FOCAD: variants seen among roughly 807,000 people sequenced by gnomAD.
The protein encoded by FOCAD is focadhesin.
Under a neutral mutation model 225.6 loss-of-function variants are expected in FOCAD, and 198 were observed. The observed-to-expected ratio is 0.88, with a 90% CI of 0.78 to 0.99. FOCAD has a LOEUF of 0.99. Ranked by LOEUF, FOCAD falls within the 50% of genes least tolerant of loss-of-function variation. The pLI, the probability that FOCAD is intolerant of heterozygous loss-of-function variation, is 0.00. For missense variants in FOCAD, 2,713 were observed against 2,123.6 expected, an observed-to-expected ratio of 1.28 and a Z score of -5.46; for synonymous variants, 897 against 755.0, an observed-to-expected ratio of 1.19 and a Z score of -3.08.
intron 21 of FOCAD, among the ~76,000 whole-genome samples, chr9:20,891,144 A>C (rs1831578576): frequency 6.6e-6 from 1 of 152,170 alleles, no homozygotes; most frequent in South Asian, 2.1e-4. Context: ...GGTATAACAA[A>C]CTGTGCCCAC....
At chr9:20,775,625 A>T (rs1818677937) in intron 8 of FOCAD, among the ~76,000 whole-genome samples, 3 of 152,178 alleles carry the variant, frequency 2.0e-5, no homozygotes, top group African/African-American at 7.2e-5. Flanking sequence ...TCTCTTTAAA[A>T]ATACTTTTCC....
At chr9:20,853,203 A>G (rs1179369131) in intron 15 of FOCAD, among the ~76,000 whole-genome samples, 1 of 151,760 alleles carries the variant, frequency 6.6e-6, no homozygotes, top group Non-Finnish European at 1.5e-5. Flanking sequence ...CTGTTCCTGC[A>G]GAGAAATCAA....
chr9:20,939,037 C>T (rs10964760), intron 28 of FOCAD, among the ~76,000 whole-genome samples: 1 of 149,678 alleles, frequency 6.7e-6, no homozygotes. Context: ...GTAGTCCCAG[C>T]TACTCAGGAG....
chr9:20,829,306 T>C (rs1042174402), intron 15 of FOCAD, among the ~76,000 whole-genome samples: 1 of 152,134 alleles, frequency 6.6e-6, no homozygotes, highest in Non-Finnish European at 1.5e-5. Context: ...TGTTATTTCT[T>C]GACCTTTTAA....
intron 19 of FOCAD, among the ~76,000 whole-genome samples, chr9:20,879,120 T>C (rs1408878455): frequency 6.6e-6 from 1 of 152,180 alleles, no homozygotes; most frequent in African/African-American, 2.4e-5. Context: ...ACCAGGTTTC[T>C]AGGTATTCCT....
At chr9:20,932,937 G>C in intron 27 of FOCAD, 77 bp from the exon 28 acceptor site, 1 of 1,015,484 alleles carries the variant, frequency 9.8e-7, no homozygotes, top group Non-Finnish European at 1.5e-6. Flanking sequence ...AATATTGAGA[G>C]TATAATATTG....
intron 11 of FOCAD, among the ~76,000 whole-genome samples, chr9:20,798,659 T>C (rs948912134): frequency 1.6e-4 from 24 of 152,206 alleles, no homozygotes; most frequent in African/African-American, 5.8e-4. Context: ...TATTCTCTGA[T>C]GGTAGTTTGT....
chr9:20,874,506 A>G (rs938834431), intron 18 of FOCAD, 175 bp from the exon 19 acceptor site: 2 of 587,524 alleles, frequency 3.4e-6, no homozygotes, highest in Admixed American at 6.8e-5. Flanking sequence ...ATGACCATTT[A>G]GTTAATCTAA....
chr9:20,834,627 C>T (rs1434349689), intron 15 of FOCAD, among the ~76,000 whole-genome samples: 2 of 152,038 alleles, frequency 1.3e-5, no homozygotes, highest in South Asian at 2.1e-4. Flanking sequence ...CCACATACCA[C>T]GCGATTCCTT....
In FOCAD at chr9:20,864,087, C is replaced by G. The variant is rs948651511; in HGVS notation, c.2055+1375C>G. Among the ~76,000 whole-genome samples, 3 of 151,996 alleles carry G rather than the reference C, an allele frequency of 2.0e-5. No homozygotes were observed. The East Asian group carries it at 5.8e-4, about 29-fold the overall frequency. On this transcript the variant is annotated intron_variant, in intron 16 of 43. Coordinates refer to ENST00000338382, the MANE Select transcript of FOCAD (RefSeq NM_001375567.1). ...GGGGAGTCTCTTCAGTGAACATAGT[C>G]CCCTTAAAAGCAGAAGTGAAGAAAT...
chr9:20,943,249 G>T (rs1836845932), intron 28 of FOCAD, among the ~76,000 whole-genome samples: 1 of 152,220 alleles, frequency 6.6e-6, no homozygotes, highest in African/African-American at 2.4e-5. Context: ...TTACGAAGCT[G>T]TAACAGCAGT....
At position 20,986,283 on chromosome 9, in the gene FOCAD, T is replaced by TTTTTTTTTTTTTTTTTTTTTTTGA; in HGVS notation, c.4729-5_4729-4insTTTTTTTTTTTTTTTTTTTTTTGA. On this transcript the variant is annotated splice_polypyrimidine_tract_variant and splice_region_variant and intron_variant, in intron 39 of 43. Transcript: ENST00000338382. ...ACTAAACAATTTTTTTTTTTTTTTT[T>TTTTTTTTTTTTTTTTTTTTTTTGA]GCAGAGCAACATAGAAAAAGCTGCC... is the stretch of plus-strand genomic sequence containing the variant. The TTTTTTTTTTTTTTTTTTTTTTTGA allele has an allele frequency of 1.1e-5, 16 of 1,476,858 alleles. No homozygotes were observed. Among genetic ancestry groups the TTTTTTTTTTTTTTTTTTTTTTTGA allele is most frequent in the Non-Finnish European group, 1.3e-5 (15 of 1,113,526 alleles). 91.5% of individuals were successfully genotyped at this position (1,476,858 alleles called of 1,614,324 possible).
intron 23 of FOCAD, among the ~76,000 whole-genome samples, chr9:20,915,365 T>C (rs906033908): frequency 1.3e-5 from 2 of 152,078 alleles, no homozygotes. Flanking sequence ...AGACGAAAAA[T>C]TAGTTATCAG....
intron 11 of FOCAD, among the ~76,000 whole-genome samples, chr9:20,816,321 G>T (rs1485974071): frequency 6.6e-6 from 1 of 152,102 alleles, no homozygotes; most frequent in Non-Finnish European, 1.5e-5. Context: ...TCTAGAAGGG[G>T]ATAATGCGTT....
chr9:20,890,345 C>T (rs1007107424), intron 21 of FOCAD, among the ~76,000 whole-genome samples: 49 of 146,406 alleles, frequency 3.3e-4, no homozygotes, highest in African/African-American at 1.2e-3. Flanking sequence ...GAAGAAGTTT[C>T]CTTCTAGTCC....
intron 5 of FOCAD, among the ~76,000 whole-genome samples, chr9:20,755,908 C>CCTTGG (rs1456195670): frequency 6.6e-6 from 1 of 152,098 alleles, no homozygotes; most frequent in African/African-American, 2.4e-5. Flanking sequence ...AATTCTCCAG[C>CCTTGG]CTTGGCCTCC....
At chr9:20,812,272 A>G (rs966990206) in intron 11 of FOCAD, among the ~76,000 whole-genome samples, 2 of 152,010 alleles carry the variant, frequency 1.3e-5, no homozygotes, top group Non-Finnish European at 2.9e-5. Flanking sequence ...ATTTATTACT[A>G]TATATCTCAT....
chr9:20,817,348 A>G (rs2131392157), intron 11 of FOCAD, among the ~76,000 whole-genome samples: 1 of 152,164 alleles, frequency 6.6e-6, no homozygotes, highest in Non-Finnish European at 1.5e-5. Context: ...TGCCCATAAG[A>G]CGTCACTGCC....
chr9:20,850,508 AATTTT>A (rs1827542326), intron 15 of FOCAD, among the ~76,000 whole-genome samples: 1 of 151,830 alleles, frequency 6.6e-6, no homozygotes, highest in African/African-American at 2.4e-5. Flanking sequence ...ATGTTATAGC[AATTTT>A]ATTTTAAAAT....
Sources: allele counts gnomAD v4.1 joint callset (sites outside exome capture counted in the v4.1 genomes callset), GRCh38; gene constraint gnomAD v4.1.1; transcripts MANE v1.5; gene names NCBI Gene and HGNC (gene_info 2026-07-23, HGNC 2026-07-21).